SHISA9: variants seen among roughly 807,000 people sequenced by gnomAD.
SHISA9 encodes protein shisa-9.
In SHISA9, 13 loss-of-function variants were observed where a neutral mutation model predicts 38.0. The observed-to-expected ratio is 0.34, with a 90% CI of 0.22 to 0.54. SHISA9 has a LOEUF of 0.54. Ranked by LOEUF, SHISA9 falls within the 20% of genes least tolerant of loss-of-function variation. The probability of loss-of-function intolerance (pLI) is 0.91; values close to 1 mark genes in which losing one functional copy is unlikely to be tolerated. For missense variants in SHISA9, 538 were observed against 575.8 expected (o/e 0.93, Z 0.67); for synonymous variants, 275 against 242.0 (o/e 1.14, Z -1.27).
At chr16:13,376,172 C>T in the SHISA9 span, among the ~76,000 whole-genome samples, 1 of 152,188 alleles carries the variant, frequency 6.6e-6, no homozygotes, top group African/African-American at 2.4e-5. Context: ...CATTTTGGTT[C>T]ACATTCCAAT....
At chr16:13,393,641 C>T in the SHISA9 span, among the ~76,000 whole-genome samples, 4 of 152,104 alleles carry the variant, frequency 2.6e-5, no homozygotes, top group East Asian at 1.9e-4. Flanking sequence ...CTATCAGGGA[C>T]GTTGGCTAGA....
intron 2 of SHISA9, among the ~76,000 whole-genome samples, chr16:13,127,824 C>G (rs953028768): frequency 6.6e-6 from 1 of 152,122 alleles, no homozygotes; most frequent in South Asian, 2.1e-4. Flanking sequence ...CCAGAGCTCC[C>G]AAGCACAGGA....
chr16:13,288,525 G>T, the SHISA9 span, among the ~76,000 whole-genome samples: 2 of 152,132 alleles, frequency 1.3e-5, no homozygotes, highest in Non-Finnish European at 2.9e-5. Context: ...GCCAGGTGGG[G>T]TGGCTCACTC....
chr16:13,416,833 GAGAA>G, the SHISA9 span, among the ~76,000 whole-genome samples: 2,227 of 146,610 alleles, frequency 0.015, 54 homozygotes, highest in African/African-American at 0.049. Context: ...AAGGAAGGAA[GAGAA>G]AGAAAGAAAG....
chr16:13,276,107 A>G, the SHISA9 span, among the ~76,000 whole-genome samples: 6 of 151,792 alleles, frequency 4.0e-5, no homozygotes, highest in Non-Finnish European at 4.4e-5. Flanking sequence ...CCCAAAGTCC[A>G]TTATCATCCT....
At chr16:13,052,663 G>T (rs1011028341) in intron 2 of SHISA9, among the ~76,000 whole-genome samples, 5 of 152,292 alleles carry the variant, frequency 3.3e-5, no homozygotes, top group Admixed American at 3.3e-4. Flanking sequence ...AGTTGCTGGG[G>T]AGTTGTTTCT....
the SHISA9 span, among the ~76,000 whole-genome samples, chr16:13,440,422 C>T: frequency 6.6e-6 from 1 of 152,266 alleles, no homozygotes; most frequent in Non-Finnish European, 1.5e-5. Context: ...AGAGTTTAAG[C>T]TCGTTTATTG....
intron 2 of SHISA9, among the ~76,000 whole-genome samples, chr16:13,069,887 T>A (rs1273538975): frequency 6.6e-6 from 1 of 152,174 alleles, no homozygotes; most frequent in East Asian, 1.9e-4. Context: ...GAGAGGTGTC[T>A]ATGAGGAATG....
the SHISA9 span, among the ~76,000 whole-genome samples, chr16:13,261,029 C>G: frequency 6.6e-6 from 1 of 152,132 alleles, no homozygotes; most frequent in Non-Finnish European, 1.5e-5. Flanking sequence ...AACTTATTCA[C>G]TATCACAAGA....
chr16:13,230,244 G>A (rs950226418), intron 4 of SHISA9, among the ~76,000 whole-genome samples: 3 of 152,160 alleles, frequency 2.0e-5, no homozygotes, highest in Admixed American at 2.0e-4. Flanking sequence ...TCCAGTACAT[G>A]GTGGGTACCT....
At chr16:13,247,557 T>C in the SHISA9 span, among the ~76,000 whole-genome samples, 1 of 152,162 alleles carries the variant, frequency 6.6e-6, no homozygotes, top group Non-Finnish European at 1.5e-5. Flanking sequence ...TGGTACTATC[T>C]GGATCCAGTT....
Position 13,019,892 on chromosome 16 carries a change from T to C in SHISA9, c.691+103077T>C, listed in dbSNP as rs1348442890. On this transcript the variant is annotated intron_variant, in intron 2 of 4. Transcript: ENST00000558583. ...CCTCCCTCCCTCCCTCCCTTCTTTCTTTCTTTCTTTCTTTCTTTCTTTCTT... is the reference window on the plus strand; with the variant it reads ...CCTCCCTCCCTCCCTCCCTTCTTTCCTTCTTTCTTTCTTTCTTTCTTTCTT... Among the ~76,000 whole-genome samples, 60 of 17,782 alleles carry C rather than the reference T, an allele frequency of 3.4e-3. 1 individual carries two copies. Among genetic ancestry groups the C allele is most frequent in the Non-Finnish European group, 4.2e-3 (31 of 7,394 alleles). 11.7% of individuals were successfully genotyped at this position (17,782 alleles called of 152,430 possible).
chr16:13,056,773 C>T (rs772696706), intron 2 of SHISA9, among the ~76,000 whole-genome samples: 6 of 152,192 alleles, frequency 3.9e-5, no homozygotes, highest in Admixed American at 6.5e-5. Flanking sequence ...GACTGCCAAA[C>T]ACAGCAGTCA....
chr16:13,088,371 G>A (rs548800848), intron 2 of SHISA9, among the ~76,000 whole-genome samples: 1 of 152,302 alleles, frequency 6.6e-6, no homozygotes, highest in South Asian at 2.1e-4. Context: ...GTAGCTTGAT[G>A]GGGACGGCAT....
chr16:13,292,279 C>T, the SHISA9 span, among the ~76,000 whole-genome samples: 2 of 151,930 alleles, frequency 1.3e-5, no homozygotes, highest in Non-Finnish European at 1.5e-5. Flanking sequence ...TAAACCAGGC[C>T]ACTCCTAACA....
the SHISA9 span, among the ~76,000 whole-genome samples, chr16:13,500,924 TCACCTGTTTTCAATC>T: frequency 5.3e-5 from 8 of 152,086 alleles, no homozygotes; most frequent in Non-Finnish European, 1.0e-4. Flanking sequence ...GGAGGATGGA[TCACCTGTTTTCAATC>T]CAATGTTTTA....
At chr16:13,550,999 T>C in the SHISA9 span, among the ~76,000 whole-genome samples, 15 of 152,032 alleles carry the variant, frequency 9.9e-5, no homozygotes, top group East Asian at 2.5e-3. Context: ...GGTGGGTGCC[T>C]GTAATCCCAG....
intron 2 of SHISA9, among the ~76,000 whole-genome samples, chr16:13,091,045 C>A (rs1488836257): frequency 6.6e-6 from 1 of 152,098 alleles, no homozygotes; most frequent in South Asian, 2.1e-4. Flanking sequence ...TTTTATTTCT[C>A]CTTCATTTAT....
rs545131992 is a variant in SHISA9, at chr16:12,985,973, C to T, written c.691+69158C>T. On this transcript the variant is annotated intron_variant, in intron 2 of 4. Coordinates refer to ENST00000558583, the MANE Select transcript of SHISA9 (RefSeq NM_001145204.3). ...CCTAAGACCAGGCCAGCGGTGGGGC[C>T]GACTTACACTCCAGAGCACCCCTGT... 1.6e-4 allele frequency among the ~76,000 whole-genome samples: 24 copies of T among 152,290 alleles called. 1 individual carries two copies. Among genetic ancestry groups the T allele is most frequent in the East Asian group, 5.8e-4 (3 of 5,188 alleles).
Sources: allele counts gnomAD v4.1 joint callset (sites outside exome capture counted in the v4.1 genomes callset), GRCh38; gene constraint gnomAD v4.1.1; transcripts MANE v1.5; gene names NCBI Gene and HGNC (gene_info 2026-07-23, HGNC 2026-07-21).